Variants in ZNF226 observed in about 807,000 individuals in gnomAD.
The protein encoded by ZNF226 is zinc finger protein 226, also known as Kruppel-associated box protein.
Under a neutral mutation model 11.4 loss-of-function variants are expected in ZNF226, and 6 were observed. That is an observed-to-expected ratio of 0.53 (90% CI 0.29 to 1.04). The LOEUF (loss-of-function observed/expected upper bound fraction) is 1.04, where lower values mean the gene tolerates loss of function less well. ZNF226 is among the 50% of genes least tolerant of loss of function. The pLI, the probability that ZNF226 is intolerant of heterozygous loss-of-function variation, is 0.08. For synonymous variants in ZNF226, 350 were observed against 322.8 expected, an observed-to-expected ratio of 1.08 and a Z score of -0.90; for missense variants, 1,058 against 956.5, an observed-to-expected ratio of 1.11 and a Z score of -1.40.
At chr19:44,186,659 C>T in the ZNF226 span, among the ~76,000 whole-genome samples, 2 of 151,912 alleles carry the variant, frequency 1.3e-5, no homozygotes, top group Non-Finnish European at 2.9e-5. Context: ...ATTCTTCTTT[C>T]CAATTTGGAT....
chr19:44,172,229 C>T lies in ZNF226; in HGVS notation c.142+15C>T. The stretch of plus-strand genomic sequence containing the variant: ...GCTGTCAGTGGGTGAGGACAGCCTC[C>T]CTCTGGAATATCTTTGTGCCCTTGG... On this transcript the variant is annotated intron_variant, in intron 4 of 5. Transcript: ENST00000337433. The T allele has an allele frequency of 6.2e-7, 1 of 1,607,016 alleles. No individual in the cohort carries two copies.
chr19:44,182,734 T>G (rs182138904), downstream of ZNF226, among the ~76,000 whole-genome samples: 1 of 152,204 alleles, frequency 6.6e-6, no homozygotes, highest in East Asian at 1.9e-4. Context: ...TCCTGGAGCA[T>G]TAGGGGTCAA....
chr19:44,179,947 T>G (rs1970881062), downstream of ZNF226, among the ~76,000 whole-genome samples: 1 of 149,840 alleles, frequency 6.7e-6, no homozygotes, highest in African/African-American at 2.5e-5. Flanking sequence ...ACTAGTCGGG[T>G]GAGGTGATGG....
Position 44,177,031 on chromosome 19 carries a change from AAG to A in ZNF226, c.1772_1773del (p.Glu591ValfsTer6). On this transcript the variant is annotated frameshift_variant, in exon 6 of 6. Coordinates refer to ENST00000337433, the MANE Select transcript of ZNF226 (RefSeq NM_001032373.2). LOFTEE classifies it low-confidence loss of function (END_TRUNC). ...ACGGGTGAGAAACCATACAAATGTG[AAG>A]AGTGTGGCAAGGGATTTAGTCGTAG... 1 of 1,614,126 alleles carries A rather than the reference AAG, an allele frequency of 6.2e-7. No individual in the cohort carries two copies. The highest frequency in any genetic ancestry group is 8.5e-7 in the Non-Finnish European group (1 of 1,179,988).
At chr19:44,184,543 C>G in the ZNF226 span, among the ~76,000 whole-genome samples, 1 of 151,204 alleles carries the variant, frequency 6.6e-6, no homozygotes, top group African/African-American at 2.4e-5. Flanking sequence ...GATTGCGCCA[C>G]TGCACTCCAG....
the ZNF226 span, among the ~76,000 whole-genome samples, chr19:44,198,892 C>T: frequency 7.9e-5 from 12 of 152,042 alleles, no homozygotes; most frequent in African/African-American, 2.9e-4. Context: ...GCAACCTCCA[C>T]CTCCAGGGTT....
intron 3 of ZNF226, 38 bp from the exon 4 acceptor site, chr19:44,172,050 A>T: frequency 2.5e-6 from 4 of 1,598,854 alleles, no homozygotes; most frequent in East Asian, 4.5e-5. Context: ...TCTAGTGGAC[A>T]TTGGTTGTAA....
rs371884663 is a variant in ZNF226, at chr19:44,172,113, C to T, written c.41C>T (p.Ala14Val). 2.5e-5 allele frequency: 41 copies of T among 1,612,700 alleles called. No individual in the cohort carries two copies. Among genetic ancestry groups the T allele is most frequent in the Admixed American group, 2.0e-4 (12 of 59,954 alleles). The part of the protein sequence containing the change: ...FKEAVTFKDV[A>V]VAFTEEELGL... ...GAAGCAGTGACCTTCAAGGACGTGGCTGTGGCCTTCACGGAGGAGGAATTG... is the reference window on the plus strand; with the variant it reads ...GAAGCAGTGACCTTCAAGGACGTGGTTGTGGCCTTCACGGAGGAGGAATTG... Residue 14 changes from alanine to valine, a missense_variant, in exon 4 of 6, where the codon GCT becomes GTT. Ala to Val is a moderately conservative substitution (Grantham distance 64). Transcript: ENST00000337433.
intron 2 of ZNF226, among the ~76,000 whole-genome samples, chr19:44,169,155 C>T (rs1969781262): frequency 6.6e-6 from 1 of 151,798 alleles, no homozygotes; most frequent in Admixed American, 6.6e-5. Context: ...ATTACAGGTG[C>T]CTGCCACCAT....
downstream of ZNF226, among the ~76,000 whole-genome samples, chr19:44,181,763 G>T (rs1970909803): frequency 6.6e-6 from 1 of 152,086 alleles, no homozygotes; most frequent in Non-Finnish European, 1.5e-5. Context: ...AGTCTCCCTT[G>T]CCTGAAAAGC....
chr19:44,186,633 A>G, the ZNF226 span, among the ~76,000 whole-genome samples: 1 of 152,004 alleles, frequency 6.6e-6, no homozygotes, highest in South Asian at 2.1e-4. Flanking sequence ...GTCATCTGCA[A>G]ATGGAGAAAA....
At chr19:44,169,975 A>T in intron 2 of ZNF226, 60 bp from the exon 3 acceptor site, 2 of 1,174,982 alleles carry the variant, frequency 1.7e-6, no homozygotes, top group Non-Finnish European at 1.2e-6. Context: ...CCTAAAGAGC[A>T]GCCACGTGCA....
chr19:44,189,451 T>C, the ZNF226 span, among the ~76,000 whole-genome samples: 6 of 152,212 alleles, frequency 3.9e-5, no homozygotes, highest in African/African-American at 1.4e-4. Context: ...GTCCTAGCAA[T>C]AGCATAGACA....
intron 3 of ZNF226, among the ~76,000 whole-genome samples, chr19:44,171,820 A>G (rs765214201): frequency 6.6e-6 from 1 of 152,214 alleles, no homozygotes; most frequent in Non-Finnish European, 1.5e-5. Context: ...TTTCTGGGGA[A>G]ATTGGCAATG....
At chr19:44,172,540 A>G in intron 4 of ZNF226, 1 of 423,002 alleles carries the variant, frequency 2.4e-6, no homozygotes, top group Non-Finnish European at 4.2e-6. Flanking sequence ...AGAAAATACT[A>G]GAACTCCTTA....
At chr19:44,186,759 C>T in the ZNF226 span, among the ~76,000 whole-genome samples, 1 of 151,902 alleles carries the variant, frequency 6.6e-6, no homozygotes, top group African/African-American at 2.4e-5. Context: ...TGCCTTGTTC[C>T]TGATCTTAGA....
the ZNF226 span, among the ~76,000 whole-genome samples, chr19:44,191,308 G>T: frequency 6.6e-6 from 1 of 152,064 alleles, no homozygotes; most frequent in South Asian, 2.1e-4. Flanking sequence ...CAGTTGAGAA[G>T]GAAATTCAAT....
chr19:44,177,218 C>A lies in ZNF226; in HGVS notation c.1956C>A (p.Phe652Leu), dbSNP rs540406248. Residue 652 changes from phenylalanine to leucine, a missense_variant, in exon 6 of 6, where the codon TTC (phenylalanine) becomes TTA (leucine). Physicochemically the swap from Phe to Leu is conservative, Grantham distance 22. Coordinates refer to ENST00000337433, the MANE Select transcript of ZNF226 (RefSeq NM_001032373.2). ...PFKCEECGKS[F>L]GRSAHLQAHQ... ...AATGTGAAGAATGTGGGAAGAGTTT[C>A]GGTCGGAGTGCACATCTTCAAGCCC... 2.5e-6 allele frequency: 4 copies of A among 1,613,454 alleles called. No homozygotes were observed. The African/African-American group carries it at 5.4e-5, about 22-fold the overall frequency.
chr19:44,177,101 A>C lies in ZNF226; in HGVS notation c.1839A>C (p.Lys613Asn). 2 of 1,613,932 alleles carry C rather than the reference A, an allele frequency of 1.2e-6. No homozygotes were observed. The highest frequency in any genetic ancestry group is 1.7e-6 in the Non-Finnish European group (2 of 1,179,986). The change falls in exon 6 of 6, where the codon AAA (lysine) becomes AAC (asparagine). Residue 613 changes from lysine (K) to asparagine (N), a missense_variant. By Grantham distance (94) the Lys-to-Asn change is moderately conservative. Coordinates refer to ENST00000337433, the MANE Select transcript of ZNF226 (RefSeq NM_001032373.2). ...KIHCRIHTGE[K>N]PYNCEECGKV... ...ACTGTAGGATCCACACAGGAGAGAA[A>C]CCATATAATTGTGAGGAGTGTGGGA...
Sources: gnomAD v4.1 joint callset for allele counts (sites outside exome capture counted in the v4.1 genomes callset) on GRCh38, gnomAD v4.1.1 for gene constraint, MANE v1.5 for transcripts, NCBI Gene and HGNC (gene_info 2026-07-23, HGNC 2026-07-21) for gene names.